The following NSUN7 variants were observed in gnomAD, a reference collection of about 807,000 sequenced individuals.
NSUN7 encodes the protein NOP2/Sun RNA methyltransferase family member 7, also known as protein NSUN7.
NSUN7 carries 39 observed loss-of-function variants against 58.5 expected under a neutral mutation model. That is an observed-to-expected ratio of 0.67 (90% CI 0.52 to 0.87). The LOEUF (loss-of-function observed/expected upper bound fraction) is 0.87, where lower values mean the gene tolerates loss of function less well. Ranked by LOEUF, NSUN7 falls within the 40% of genes least tolerant of loss-of-function variation. NSUN7 has a pLI of 0.00. For synonymous variants in NSUN7, 278 were observed against 303.7 expected, an observed-to-expected ratio of 0.92 and a Z score of 0.88; for missense variants, 765 against 844.1, an observed-to-expected ratio of 0.91 and a Z score of 1.16.
intron 7 of NSUN7, among the ~76,000 whole-genome samples, chr4:40,781,770 T>G: frequency 6.6e-6 from 1 of 152,152 alleles, no homozygotes; most frequent in East Asian, 1.9e-4. Context: ...AAAGATCAAC[T>G]AAATGCTGTT....
intron 8 of NSUN7, 117 bp from the exon 9 acceptor site, chr4:40,794,258 T>G: frequency 2.0e-6 from 1 of 499,258 alleles, no homozygotes; most frequent in South Asian, 3.9e-5. Flanking sequence ...TTAATAGATA[T>G]TTTCCATGAA....
At chr4:40,806,990 T>A (rs1743831588) in intron 10 of NSUN7, 71 bp from the exon 11 acceptor site, 1 of 1,477,180 alleles carries the variant, frequency 6.8e-7, no homozygotes, top group African/African-American at 1.4e-5. Context: ...AAATGTAGTG[T>A]AATTTACTTT....
At position 40,780,269 on chromosome 4, in the gene NSUN7, G is replaced by T. The variant is rs192938067; in HGVS notation, c.1036+4010G>T. Among the ~76,000 whole-genome samples, 433 of 151,782 alleles carry T rather than the reference G, an allele frequency of 2.9e-3. 3 individuals are homozygous for T. Among genetic ancestry groups the T allele is most frequent in the African/African-American group, 9.8e-3 (405 of 41,538 alleles). The stretch of plus-strand genomic sequence containing the variant: ...CCCTCCAGCCTAGGCAACAGAGTGA[G>T]ACTCCGTCTCATAAATCAATCAATC... On this transcript the variant is annotated intron_variant, in intron 7 of 11. Transcript: ENST00000381782.
chr4:40,795,300 C>T (rs536232067), intron 9 of NSUN7, among the ~76,000 whole-genome samples: 2 of 152,120 alleles, frequency 1.3e-5, no homozygotes, highest in Non-Finnish European at 2.9e-5. Context: ...GAGGTCACAG[C>T]TTGCCAGGAG....
At chr4:40,785,459 A>C (rs957033806) in intron 7 of NSUN7, among the ~76,000 whole-genome samples, 1 of 152,200 alleles carries the variant, frequency 6.6e-6, no homozygotes, top group South Asian at 2.1e-4. Flanking sequence ...TCCCAGGTTC[A>C]AGTGATTCTT....
intron 8 of NSUN7, among the ~76,000 whole-genome samples, chr4:40,791,782 A>G (rs1743080333): frequency 6.6e-6 from 1 of 152,238 alleles, no homozygotes; most frequent in East Asian, 1.9e-4. Flanking sequence ...TTTATTAAAC[A>G]CAATAATGTC....
At chr4:40,766,286 C>T (rs770546132) in intron 4 of NSUN7, among the ~76,000 whole-genome samples, 1,181 of 59,880 alleles carry the variant, frequency 0.02, 12 homozygotes, top group Middle Eastern at 0.065. Flanking sequence ...GAGTTTTTAG[C>T]ATGAAGGGTT....
chr4:40,762,231 T>C (rs1741494424), intron 4 of NSUN7, among the ~76,000 whole-genome samples: 1 of 152,222 alleles, frequency 6.6e-6, no homozygotes, highest in African/African-American at 2.4e-5. Context: ...TGGTCTCAGG[T>C]ATTTTGTTAT....
chr4:40,751,001 G>A lies in NSUN7; in HGVS notation c.298+10G>A. 1 of 1,610,842 alleles carries A rather than the reference G, an allele frequency of 6.2e-7. No homozygotes were observed. The highest frequency in any genetic ancestry group is 8.5e-7 in the Non-Finnish European group (1 of 1,177,472). On this transcript the variant is annotated intron_variant, in intron 2 of 11. Transcript: ENST00000381782. The stretch of plus-strand genomic sequence containing the variant: ...TTCAGTGCCCTGAAATGTGAGTTGT[G>A]CCAGTCTGGAAGATCAACACTAAAA...
At chr4:40,771,388 CA>C (rs1280493279) in intron 4 of NSUN7, among the ~76,000 whole-genome samples, 5 of 152,102 alleles carry the variant, frequency 3.3e-5, no homozygotes, top group Admixed American at 3.3e-4. Flanking sequence ...TTTCTACCTC[CA>C]AAAAATCTCT....
intron 7 of NSUN7, among the ~76,000 whole-genome samples, chr4:40,778,425 G>A (rs1742370557): frequency 6.6e-6 from 1 of 152,242 alleles, no homozygotes; most frequent in Non-Finnish European, 1.5e-5. Context: ...CCCCCGAAGT[G>A]ATGGTATCAG....
At position 40,810,750 on chromosome 4, in the gene NSUN7, A is replaced by C. The variant is rs1268123756; in HGVS notation, c.*1811A>C. 1 of 152,198 alleles carries C rather than the reference A, an allele frequency of 6.6e-6. No individual in the cohort carries two copies. The highest frequency in any genetic ancestry group is 1.5e-5 in the Non-Finnish European group (1 of 68,038). 9.4% of individuals were successfully genotyped at this position (152,198 alleles called of 1,614,324 possible). The stretch of plus-strand genomic sequence containing the variant: ...ATTTTGCTGATTTTGAAAATCAAAC[A>C]CTATCTCCTTGCCCTAAAATTATAG... On this transcript the variant is annotated 3_prime_UTR_variant, in exon 12 of 12. Coordinates refer to ENST00000381782, the MANE Select transcript of NSUN7 (RefSeq NM_024677.6).
At chr4:40,781,033 T>C (rs1406970039) in intron 7 of NSUN7, among the ~76,000 whole-genome samples, 5 of 151,424 alleles carry the variant, frequency 3.3e-5, no homozygotes, top group African/African-American at 1.2e-4. Context: ...TTAGCCAGGA[T>C]GGTCTTGATC....
At chr4:40,792,797 A>T (rs1743153747) in intron 8 of NSUN7, among the ~76,000 whole-genome samples, 1 of 151,862 alleles carries the variant, frequency 6.6e-6, no homozygotes, top group Non-Finnish European at 1.5e-5. Context: ...CGGGCTTTTG[A>T]AGGAACCTGT....
At chr4:40,751,364 C>A (rs1578135243) in intron 2 of NSUN7, among the ~76,000 whole-genome samples, 2 of 152,170 alleles carry the variant, frequency 1.3e-5, no homozygotes, top group East Asian at 3.9e-4. Context: ...CTCAAGGAAT[C>A]CTCCCTCTTC....
chr4:40,766,986 A>G (rs1334253712), intron 4 of NSUN7, among the ~76,000 whole-genome samples: 7 of 149,394 alleles, frequency 4.7e-5, no homozygotes, highest in African/African-American at 1.7e-4. Flanking sequence ...TTTCTTTATT[A>G]GTCTTGCTAG....
chr4:40,799,073 C>CTTTTTT (rs761448412), intron 10 of NSUN7, among the ~76,000 whole-genome samples, 169 bp downstream of exon 10: 2,411 of 75,256 alleles, frequency 0.032, 501 homozygotes, highest in East Asian at 0.05. Context: ...GGGCCTTTTT[C>CTTTTTT]TTTTTTTTTT....
At chr4:40,799,703 G>A (rs1743497286) in intron 10 of NSUN7, among the ~76,000 whole-genome samples, 3 of 152,100 alleles carry the variant, frequency 2.0e-5, no homozygotes, top group Non-Finnish European at 4.4e-5. Context: ...TGGGGATGCT[G>A]CCAAAAGAAA....
intron 10 of NSUN7, among the ~76,000 whole-genome samples, chr4:40,802,426 A>G (rs1268346900): frequency 6.6e-6 from 1 of 152,186 alleles, no homozygotes; most frequent in African/African-American, 2.4e-5. Flanking sequence ...TGCCACTTCT[A>G]GTCCTAAAAT....
Sources: allele counts gnomAD v4.1 joint callset (sites outside exome capture counted in the v4.1 genomes callset), GRCh38; gene constraint gnomAD v4.1.1; transcripts MANE v1.5; gene names NCBI Gene and HGNC (gene_info 2026-07-23, HGNC 2026-07-21).